Variants in ADSL observed in about 807,000 individuals in gnomAD.
ADSL encodes the protein adenylosuccinase.
Under a neutral mutation model 62.1 loss-of-function variants are expected in ADSL, and 44 were observed. That is an observed-to-expected ratio of 0.71 (90% CI 0.56 to 0.91). The LOEUF (loss-of-function observed/expected upper bound fraction) is 0.91. Among genes scored for constraint, ADSL ranks in the 40% least tolerant of loss-of-function variants. The pLI is 0.00. For synonymous variants in ADSL, 198 were observed against 220.5 expected, an observed-to-expected ratio of 0.90 and a Z score of 0.90; for missense variants, 531 against 627.4, an observed-to-expected ratio of 0.85 and a Z score of 1.64.
intron 2 of ADSL, among the ~76,000 whole-genome samples, chr22:40,380,019 C>G (rs1601761094): frequency 6.6e-6 from 1 of 152,188 alleles, no homozygotes; most frequent in South Asian, 2.1e-4. Flanking sequence ...CCTGGTTTCT[C>G]TTATTAACTG....
chr22:40,375,388 T>C (rs1439703034), intron 2 of ADSL, among the ~76,000 whole-genome samples: 1 of 152,164 alleles, frequency 6.6e-6, no homozygotes, highest in Admixed American at 6.5e-5. Flanking sequence ...GAGACTAGCC[T>C]GGACAACATG....
chr22:40,354,414 G>A, intron 4 of ADSL, 87 bp downstream of exon 4: 1 of 1,022,356 alleles, frequency 9.8e-7, no homozygotes, highest in Non-Finnish European at 1.6e-6. Flanking sequence ...ACCTTGAGGT[G>A]AAGAATCTGA....
At chr22:40,360,570 C>G (rs2044744843) in intron 7 of ADSL, 78 bp downstream of exon 7, 9 of 996,456 alleles carry the variant, frequency 9.0e-6, no homozygotes, top group South Asian at 1.3e-5. Flanking sequence ...CAGACTTTTA[C>G]TTAACCATCT....
At chr22:40,374,733 T>G (rs2046265521) in intron 2 of ADSL, among the ~76,000 whole-genome samples, 2 of 152,260 alleles carry the variant, frequency 1.3e-5, no homozygotes, top group South Asian at 4.1e-4. Flanking sequence ...AACATAAAAT[T>G]GCCAGTCATG....
At chr22:40,353,918 G>T in intron 3 of ADSL, 1 of 401,572 alleles carries the variant, frequency 2.5e-6, no homozygotes, top group Admixed American at 4.0e-5. Flanking sequence ...GAGCCACCGC[G>T]CCCGGCCCAA....
chr22:40,354,725 G>A (rs556286157), intron 4 of ADSL, among the ~76,000 whole-genome samples: 1 of 152,068 alleles, frequency 6.6e-6, no homozygotes, highest in South Asian at 2.1e-4. Flanking sequence ...ACAAACATTA[G>A]CCAGATTTGG....
chr22:40,354,282 C>T lies in ADSL; in HGVS notation c.437C>T (p.Ala146Val). 1.2e-6 allele frequency: 2 copies of T among 1,614,174 alleles called. No homozygotes were observed. Among genetic ancestry groups the T allele is most frequent in the Non-Finnish European group, 1.7e-6 (2 of 1,180,028 alleles). ...ARVISRLADF[A>V]KERASLPTLG... ...GTGATCTCTCGGCTTGCCGACTTTG[C>T]TAAGGAACGAGCCAGTCTACCCACA... is the stretch of plus-strand genomic sequence containing the variant. Residue 146 changes from alanine (A) to valine (V), a missense_variant, in exon 4 of 13, where the codon GCT becomes GTT. Transcript: ENST00000623063.
chr22:40,351,695 T>C (rs1224443395), intron 2 of ADSL, among the ~76,000 whole-genome samples: 1 of 152,170 alleles, frequency 6.6e-6, no homozygotes, highest in Non-Finnish European at 1.5e-5. Context: ...CAGTAATTTT[T>C]AAGTTGCCTC....
At chr22:40,347,798 C>T (rs1003922846) in intron 1 of ADSL, among the ~76,000 whole-genome samples, 1 of 152,212 alleles carries the variant, frequency 6.6e-6, no homozygotes, top group Non-Finnish European at 1.5e-5. Context: ...TATGACTGTA[C>T]CTGTTTTACA....
downstream of ADSL, chr22:40,370,765 G>C (rs1441216771): frequency 6.6e-6 from 1 of 152,404 alleles, no homozygotes; most frequent in Non-Finnish European, 1.5e-5. Context: ...CGGGGCGGCT[G>C]TGGTCGGACT....
At chr22:40,355,089 C>T (rs953635387) in intron 4 of ADSL, among the ~76,000 whole-genome samples, 10 of 152,108 alleles carry the variant, frequency 6.6e-5, no homozygotes, top group South Asian at 2.1e-4. Context: ...ATGTTGATTA[C>T]TCTGGTTTAT....
chr22:40,353,290 T>A, intron 3 of ADSL, 173 bp downstream of exon 3: 1 of 708,968 alleles, frequency 1.4e-6, no homozygotes, highest in Non-Finnish European at 2.6e-6. Context: ...TTCTCCTTTC[T>A]TCTTCTCTTC....
At position 40,346,610 on chromosome 22, in the gene ADSL, G is replaced by C; in HGVS notation, c.52G>C (p.Ala18Pro). 6.2e-7 allele frequency: 1 copy of C among 1,609,294 alleles called. No homozygotes were observed. Among genetic ancestry groups the C allele is most frequent in the Non-Finnish European group, 8.5e-7 (1 of 1,178,172 alleles). ...GSPDSYRSPL[A>P]SRYASPEMCF... ...GCCCGACAGCTACCGCTCACCTCTT[G>C]CCTCCCGCTATGCCAGCCCGGAGAT... The change falls in exon 1 of 13, where the codon GCC becomes CCC. Residue 18 changes from alanine to proline, a missense_variant. Physicochemically the swap from Ala to Pro is conservative, Grantham distance 27. This residue lies in a region of ADSL where 60 missense variants were observed against 34.5 expected (regional missense o/e 1.74). Transcript: ENST00000623063.
rs1215070139 is a variant in ADSL, at chr22:40,361,480, A to C, written c.863-8A>C. The C allele has an allele frequency of 6.2e-7, 1 of 1,614,144 alleles. No homozygotes were observed. On this transcript the variant is annotated splice_region_variant and splice_polypyrimidine_tract_variant and intron_variant, in intron 8 of 12. Transcript: ENST00000623063. ...CCTTTGCATCTTGTCCTTTTTTTAC[A>C]TGGGCAGGCTCAAGTGCGATGCCAT...
rs1440489862 is a variant in ADSL, at chr22:40,366,718, C to T, written c.*196C>T. 1.8e-6 allele frequency: 1 copy of T among 569,420 alleles called. No homozygotes were observed. Among genetic ancestry groups the T allele is most frequent in the African/African-American group, 1.9e-5 (1 of 53,244 alleles). 35.3% of individuals were successfully genotyped at this position (569,420 alleles called of 1,614,324 possible). On this transcript the variant is annotated 3_prime_UTR_variant, in exon 13 of 13. Coordinates refer to ENST00000623063, the MANE Select transcript of ADSL (RefSeq NM_000026.4). ...ACAAAGAGCGTTGAAGTTGACTCTG[C>T]TCTTGCATAGTAAATGTAGTTCATA...
rs2146663691 is a variant in ADSL, at chr22:40,361,633, C to G, written c.1008C>G (p.Asn336Lys). 1 of 1,613,178 alleles carries G rather than the reference C, an allele frequency of 6.2e-7. No individual in the cohort carries two copies. The highest frequency in any genetic ancestry group is 8.5e-7 in the Non-Finnish European group (1 of 1,180,030). ...AACGCACACTGGATGATAGTGCCAA[C>G]CGGTCAGTGGCACAGGGACATCACA... ...WFERTLDDSA[N>K]RRICLAEAFL... is the part of the protein sequence containing the mutation. The change falls in exon 9 of 13, where the codon AAC (asparagine) becomes AAG (lysine). Residue 336 changes from asparagine to lysine, a missense_variant and splice_region_variant. This residue lies in a region of ADSL where 471 missense variants were observed against 592.9 expected (regional missense o/e 0.79). Transcript: ENST00000623063.
At chr22:40,380,818 C>T (rs192437050) in intron 2 of ADSL, among the ~76,000 whole-genome samples, 132 of 152,176 alleles carry the variant, frequency 8.7e-4, no homozygotes, top group African/African-American at 2.9e-3. Flanking sequence ...GCCTGTAGTC[C>T]TAACTCCTTG....
At position 40,384,130 on chromosome 22, in the gene ADSL, G is replaced by A. The variant is rs376151312; in HGVS notation, c.90-6100G>A. 2.0e-5 allele frequency among the ~76,000 whole-genome samples: 3 copies of A among 152,228 alleles called. No individual in the cohort carries two copies. The East Asian group carries it at 5.8e-4, about 29-fold the overall frequency. ...ATGATGGCATGCGCCCGTAGTCCTA[G>A]CTACTCAGGAGGCTGAGGAGAGATG... On this transcript the variant is annotated intron_variant, in intron 2 of 2. Transcript: ENST00000498234.
chr22:40,362,917 C>A, intron 9 of ADSL, 64 bp from the exon 10 acceptor site: 1 of 1,431,530 alleles, frequency 7.0e-7, no homozygotes, highest in Non-Finnish European at 9.9e-7. Context: ...CTTGTTGGGA[C>A]ACACACTGCA....
Sources: allele counts gnomAD v4.1 joint callset (sites outside exome capture counted in the v4.1 genomes callset), GRCh38; gene constraint gnomAD v4.1.1; regional missense constraint gnomAD v4.1.1; transcripts MANE v1.5; gene names NCBI Gene and HGNC (gene_info 2026-07-23, HGNC 2026-07-21).